The following TRAK2 variants were observed in gnomAD, a reference collection of about 807,000 sequenced individuals.
The protein encoded by TRAK2 is trafficking kinesin-binding protein 2.
In TRAK2, 81 loss-of-function variants were observed where a neutral mutation model predicts 104.6. The observed-to-expected ratio is 0.77, with a 90% CI of 0.65 to 0.93. The LOEUF is 0.93. TRAK2 is among the 40% of genes least tolerant of loss of function. The pLI, the probability that TRAK2 is intolerant of heterozygous loss-of-function variation, is 0.00. For missense variants in TRAK2, 1,002 were observed against 1,089.0 expected, an observed-to-expected ratio of 0.92 and a Z score of 1.12; for synonymous variants, 406 against 394.4, an observed-to-expected ratio of 1.03 and a Z score of -0.35.
chr2:201,389,301 C>T lies in TRAK2; in HGVS notation c.1396G>A (p.Gly466Arg), dbSNP rs748618869. The change falls in exon 12 of 16, where the codon GGG (glycine) becomes AGG (arginine). Residue 466 changes from glycine to arginine, a missense_variant and splice_region_variant. Physicochemically the swap from Gly to Arg is moderately radical, Grantham distance 125. Coordinates refer to ENST00000332624, the MANE Select transcript of TRAK2 (RefSeq NM_015049.3). ...TCACTGTTATCATCGGATTCCTACC[C>T]TGCAACCTCCTCTGAGCTGCTCCCC... ...NQGSSSEEVA[G>R]SSQKMGQPGP... 2 of 1,613,964 alleles carry T rather than the reference C, an allele frequency of 1.2e-6. No individual in the cohort carries two copies. The highest frequency in any genetic ancestry group is 1.7e-6 in the Non-Finnish European group (2 of 1,179,956).
intron 1 of TRAK2, among the ~76,000 whole-genome samples, chr2:201,444,729 G>C (rs1429676773): frequency 6.6e-6 from 1 of 151,808 alleles, no homozygotes; most frequent in Non-Finnish European, 1.5e-5. Context: ...GTAGGCAGAG[G>C]AGGCTACTTT....
chr2:201,404,691 AG>A (rs1951578132), intron 3 of TRAK2, among the ~76,000 whole-genome samples: 1 of 152,214 alleles, frequency 6.6e-6, no homozygotes, highest in Non-Finnish European at 1.5e-5. Context: ...CAAGATCTAA[AG>A]TTTTTACCAC....
At chr2:201,412,918 T>C (rs1306554346) in intron 2 of TRAK2, 12 of 786,056 alleles carry the variant, frequency 1.5e-5, no homozygotes, top group African/African-American at 5.1e-5. Context: ...ATTTTCCCAG[T>C]TACCAAGAAC....
chr2:201,442,293 C>T (rs1014085483), intron 1 of TRAK2, among the ~76,000 whole-genome samples: 7 of 150,972 alleles, frequency 4.6e-5, no homozygotes, highest in African/African-American at 1.7e-4. Flanking sequence ...CGGGAGGCTG[C>T]GGCAGGAGAA....
chr2:201,388,406 C>T lies in TRAK2; in HGVS notation c.1398-405G>A, dbSNP rs139061408. On this transcript the variant is annotated intron_variant, in intron 12 of 15. Coordinates refer to ENST00000332624, the MANE Select transcript of TRAK2 (RefSeq NM_015049.3). ...ATCATAAAGAAGGAAAAAAACGCTACGGATTAAACTAAGGCATACTATCAG... is the reference window on the plus strand; with the variant it reads ...ATCATAAAGAAGGAAAAAAACGCTATGGATTAAACTAAGGCATACTATCAG... Among the ~76,000 whole-genome samples, 12 of 151,968 alleles carry T rather than the reference C, an allele frequency of 7.9e-5. No individual in the cohort carries two copies. The East Asian group carries it at 9.7e-4, about 12-fold the overall frequency.
intron 3 of TRAK2, among the ~76,000 whole-genome samples, chr2:201,405,008 T>C (rs1373689308): frequency 6.6e-6 from 1 of 152,212 alleles, no homozygotes. Flanking sequence ...AATCAGGCCC[T>C]ACAGACCATT....
chr2:201,426,462 G>A (rs1196330548), intron 1 of TRAK2, among the ~76,000 whole-genome samples: 1 of 152,112 alleles, frequency 6.6e-6, no homozygotes, highest in Non-Finnish European at 1.5e-5. Flanking sequence ...TAGCAATAAA[G>A]TGCACAATAA....
intron 2 of TRAK2, chr2:201,411,470 T>C: frequency 1.3e-6 from 1 of 744,222 alleles, no homozygotes; most frequent in Non-Finnish European, 2.5e-6. Flanking sequence ...TGTCCAAAGA[T>C]TTCTGTTGTT....
rs1951922428 is a variant in TRAK2, at chr2:201,441,445, C to A, written c.-200+9905G>T. Among the ~76,000 whole-genome samples the A allele has an allele frequency of 2.0e-5, 3 of 152,200 alleles. No homozygotes were observed. The South Asian group carries it at 6.2e-4, about 32-fold the overall frequency. On this transcript the variant is annotated intron_variant, in intron 1 of 15. Coordinates refer to ENST00000332624, the MANE Select transcript of TRAK2 (RefSeq NM_015049.3). ...ATGGTCAGATATCTTCTTTTAAAAA[C>A]TCACAATTGCTAATAAAAGCTTCAT...
At chr2:201,439,768 G>C (rs1388762225) in intron 1 of TRAK2, among the ~76,000 whole-genome samples, 1 of 151,012 alleles carries the variant, frequency 6.6e-6, no homozygotes, top group Non-Finnish European at 1.5e-5. Context: ...AAAATGATGA[G>C]TTCATGTCCT....
intron 2 of TRAK2, chr2:201,419,342 G>A (rs1490716867): frequency 1.3e-5 from 2 of 154,310 alleles, no homozygotes; most frequent in African/African-American, 2.4e-5. Flanking sequence ...TACTGTCCAA[G>A]GCTGCTTTTC....
chr2:201,407,759 G>GT (rs10689466), intron 2 of TRAK2, among the ~76,000 whole-genome samples, 162 bp from the exon 3 acceptor site: 136,677 of 151,296 alleles, frequency 0.9, 62,154 homozygotes, highest in East Asian at 1. Flanking sequence ...TAGTAGTATA[G>GT]TTTTTTTTTC....
chr2:201,399,614 T>C lies in TRAK2; in HGVS notation c.364-121A>G, dbSNP rs563650145. ...ACGTCCTAGAAAGCATCAAGATTCA[T>C]TCATTCATTAAAATGAATAAACACA... On this transcript the variant is annotated intron_variant, in intron 4 of 15. Coordinates refer to ENST00000332624, the MANE Select transcript of TRAK2 (RefSeq NM_015049.3). The C allele has an allele frequency of 1.0e-4, 68 of 675,574 alleles. No individual in the cohort carries two copies. In the African/African-American group the frequency reaches 1.0e-3, roughly 10 times the overall value. The allele number at this position is 675,574 out of a possible 1,614,324, so 41.8% of individuals were successfully genotyped here. A position where few individuals can be genotyped will look rare whatever the true frequency, so the allele number is the denominator to read the frequency against.
At chr2:201,450,973 C>T (rs923990665) in intron 1 of TRAK2, among the ~76,000 whole-genome samples, 7 of 152,190 alleles carry the variant, frequency 4.6e-5, no homozygotes, top group Non-Finnish European at 1.0e-4. Context: ...ACCCTCTCCT[C>T]CCACTTACAT....
Position 201,451,353 on chromosome 2 carries a change from A to C in TRAK2, c.-203T>G, listed in dbSNP as rs1952034562. On this transcript the variant is annotated 5_prime_UTR_variant, in exon 1 of 16. Transcript: ENST00000332624. Reference sequence around the variant, plus strand: ...TCTGCGCGGACAGCTTACTCACTGGAGTGGTTCGGCATCCTCTGTCGTCCG... The same window carrying C: ...TCTGCGCGGACAGCTTACTCACTGGCGTGGTTCGGCATCCTCTGTCGTCCG... 1 of 152,120 alleles carries C rather than the reference A, an allele frequency of 6.6e-6. No individual in the cohort carries two copies. The highest frequency in any genetic ancestry group is 6.5e-5 in the Admixed American group (1 of 15,288). The allele number at this position is 152,120 out of a possible 1,614,324, so 9.4% of individuals were successfully genotyped here.
intron 2 of TRAK2, chr2:201,413,339 T>C (rs531911135): frequency 2.0e-6 from 2 of 1,008,188 alleles, no homozygotes; most frequent in East Asian, 2.6e-5. Flanking sequence ...ATAGTTACCT[T>C]TTCCCTCTCC....
At chr2:201,414,252 T>C (rs1951672962) in intron 2 of TRAK2, among the ~76,000 whole-genome samples, 1 of 152,212 alleles carries the variant, frequency 6.6e-6, no homozygotes, top group Admixed American at 6.5e-5. Context: ...GCCCATCATT[T>C]AACACCTCCC....
At chr2:201,393,936 A>G (rs986560125) in intron 9 of TRAK2, among the ~76,000 whole-genome samples, 39 of 152,132 alleles carry the variant, frequency 2.6e-4, no homozygotes, top group African/African-American at 8.9e-4. Flanking sequence ...TTTTGTAGAG[A>G]CGAAGGTTTC....
rs75594634 is a variant in TRAK2 at position 201,391,597 on chromosome 2, G to A, written c.1113+1312C>T. Among the ~76,000 whole-genome samples, 26 of 152,130 alleles carry A rather than the reference G, an allele frequency of 1.7e-4. No individual in the cohort carries two copies. In the South Asian group the frequency reaches 2.5e-3, roughly 15 times the overall value. On this transcript the variant is annotated intron_variant, in intron 10 of 15. Coordinates refer to ENST00000332624, the MANE Select transcript of TRAK2 (RefSeq NM_015049.3). Reference sequence around the variant, plus strand: ...TATCTGCCGATTTTCATCACTACACGGTGAATTAGTAGTGTTAATTTAATT... The same window carrying A: ...TATCTGCCGATTTTCATCACTACACAGTGAATTAGTAGTGTTAATTTAATT...
Sources: gnomAD v4.1 joint callset for allele counts (sites outside exome capture counted in the v4.1 genomes callset) on GRCh38, gnomAD v4.1.1 for gene constraint, MANE v1.5 for transcripts, NCBI Gene and HGNC (gene_info 2026-07-23, HGNC 2026-07-21) for gene names.